The following OSBPL6 variants were observed in gnomAD, a reference collection of about 807,000 sequenced individuals.
OSBPL6 encodes the protein oxysterol-binding protein-related protein 6.
A neutral mutation model predicts 125.8 loss-of-function variants in OSBPL6; 49 were observed. The ratio of observed to expected loss-of-function variants is 0.39; its 90% CI spans 0.31 to 0.49. The LOEUF (loss-of-function observed/expected upper bound fraction) is 0.49. Among genes scored for constraint, OSBPL6 ranks in the 20% least tolerant of loss-of-function variants. The pLI, the probability that OSBPL6 is intolerant of heterozygous loss-of-function variation, is 0.88. For synonymous variants in OSBPL6, 394 were observed against 391.8 expected (o/e 1.01, Z -0.07); for missense variants, 986 against 1,135.4 (o/e 0.87, Z 1.89).
At chr2:178,234,948 G>T (rs2090987117) in intron 1 of OSBPL6, among the ~76,000 whole-genome samples, 1 of 152,132 alleles carries the variant, frequency 6.6e-6, no homozygotes, top group Non-Finnish European at 1.5e-5. Context: ...GTTCTGCCTT[G>T]TCTGTGAATC....
rs1253410118 is a variant in OSBPL6, at chr2:178,357,009, A to C, written c.1154-4673A>C. On this transcript the variant is annotated intron_variant, in intron 12 of 24. Transcript: ENST00000190611. ...GGAGAAAGGATTCCCTATTTAATAA[A>C]TGGTGCTGGGAAAACTGGCTAGCCA... is the stretch of plus-strand genomic sequence containing the variant. Among the ~76,000 whole-genome samples the C allele has an allele frequency of 2.0e-5, 3 of 152,232 alleles. 1 individual carries two copies. The highest frequency in any genetic ancestry group is 4.4e-5 in the Non-Finnish European group (3 of 68,034).
chr2:178,325,296 CCTTG>C (rs1574872226), intron 4 of OSBPL6, among the ~76,000 whole-genome samples: 1 of 152,132 alleles, frequency 6.6e-6, no homozygotes, highest in African/African-American at 2.4e-5. Context: ...GATCATTACA[CCTTG>C]CTTTTCTATA....
intron 3 of OSBPL6, among the ~76,000 whole-genome samples, chr2:178,308,327 G>GT (rs1249132472): frequency 6.6e-6 from 1 of 152,188 alleles, no homozygotes; most frequent in Non-Finnish European, 1.5e-5. Flanking sequence ...GTGATGTAGT[G>GT]TTTTTTATAT....
chr2:178,200,467 G>A (rs193255253), intron 1 of OSBPL6, among the ~76,000 whole-genome samples: 278 of 151,972 alleles, frequency 1.8e-3, no homozygotes, highest in Non-Finnish European at 3.5e-3. Context: ...GGCCAGACTC[G>A]TCCTGAACTC....
At chr2:178,300,568 C>A (rs1686184752) in intron 2 of OSBPL6, among the ~76,000 whole-genome samples, 2 of 152,246 alleles carry the variant, frequency 1.3e-5, no homozygotes, top group Admixed American at 1.3e-4. Flanking sequence ...TCAAGTGATT[C>A]TTGTGCCTCA....
chr2:178,252,970 A>G (rs1261400568), intron 1 of OSBPL6, among the ~76,000 whole-genome samples: 2 of 152,066 alleles, frequency 1.3e-5, no homozygotes, highest in African/African-American at 4.8e-5. Flanking sequence ...TCCCCTACAG[A>G]GTGGACTAGA....
At chr2:178,368,804 CT>C (rs5836651) in intron 13 of OSBPL6, among the ~76,000 whole-genome samples, 50 of 146,258 alleles carry the variant, frequency 3.4e-4, no homozygotes, top group Middle Eastern at 3.6e-3. Context: ...AAAAAAAATC[CT>C]TTTTTTTTTT....
chr2:178,278,528 T>C (rs1163347547), intron 1 of OSBPL6, among the ~76,000 whole-genome samples: 2 of 152,356 alleles, frequency 1.3e-5, no homozygotes, highest in East Asian at 3.9e-4. Context: ...TTCTTTGATA[T>C]GTAGTAACAT....
rs947384865 is a variant in OSBPL6, at chr2:178,345,670, A to T, written c.988-3554A>T. On this transcript the variant is annotated intron_variant, in intron 11 of 24. Transcript: ENST00000190611. ...TAAGTATTATTAAAGGTAATTTTCCATTTATAAAATTAAGAAATACACATG... is the reference window on the plus strand; with the variant it reads ...TAAGTATTATTAAAGGTAATTTTCCTTTTATAAAATTAAGAAATACACATG... Among the ~76,000 whole-genome samples, 5 of 152,250 alleles carry T rather than the reference A, an allele frequency of 3.3e-5. No homozygotes were observed. The East Asian group carries it at 9.6e-4, about 29-fold the overall frequency.
intron 1 of OSBPL6, among the ~76,000 whole-genome samples, chr2:178,229,487 C>G (rs2090722016): frequency 6.6e-6 from 1 of 152,200 alleles, no homozygotes. Flanking sequence ...CATTCCCTTT[C>G]CCTACCCCCA....
intron 1 of OSBPL6, among the ~76,000 whole-genome samples, chr2:178,215,725 G>A (rs946584104): frequency 3.3e-5 from 5 of 152,070 alleles, no homozygotes; most frequent in Non-Finnish European, 7.4e-5. Context: ...CTGAAACTTT[G>A]GCAGCAATGT....
chr2:178,204,895 C>T (rs2089450996), intron 1 of OSBPL6, among the ~76,000 whole-genome samples: 1 of 152,166 alleles, frequency 6.6e-6, no homozygotes, highest in African/African-American at 2.4e-5. Context: ...TATTCATTTA[C>T]TTATTCAGTG....
intron 12 of OSBPL6, among the ~76,000 whole-genome samples, chr2:178,360,251 T>G (rs184464761): frequency 6.6e-6 from 1 of 152,238 alleles, no homozygotes; most frequent in Non-Finnish European, 1.5e-5. Flanking sequence ...AAGTAGCAAA[T>G]GTGTAGGATG....
At chr2:178,298,112 A>G (rs1685926575) in intron 2 of OSBPL6, among the ~76,000 whole-genome samples, 2 of 152,198 alleles carry the variant, frequency 1.3e-5, no homozygotes, top group South Asian at 4.1e-4. Context: ...TATAAGTGAA[A>G]TCATACAGTA....
chr2:178,367,000 T>C (rs923255650), intron 13 of OSBPL6, among the ~76,000 whole-genome samples: 1 of 152,238 alleles, frequency 6.6e-6, no homozygotes, highest in African/African-American at 2.4e-5. Flanking sequence ...TTCATGGCAG[T>C]ATTATTTATA....
intron 24 of OSBPL6, 67 bp downstream of exon 24, chr2:178,394,502 C>T: frequency 6.6e-7 from 1 of 1,505,084 alleles, no homozygotes. Context: ...ATGAGAAACT[C>T]CAGTTAAATG....
chr2:178,226,430 A>G (rs1261551322), intron 1 of OSBPL6, among the ~76,000 whole-genome samples: 4 of 152,202 alleles, frequency 2.6e-5, no homozygotes, highest in Admixed American at 2.6e-4. Context: ...AGGCTAGACA[A>G]TGGGTCTGGG....
chr2:178,350,125 T>A (rs1691118195), intron 12 of OSBPL6, among the ~76,000 whole-genome samples: 1 of 152,200 alleles, frequency 6.6e-6, no homozygotes, highest in Non-Finnish European at 1.5e-5. Flanking sequence ...GATCCCACAT[T>A]TGAGCCTCTT....
At chr2:178,309,999 T>G (rs1687121523) in intron 3 of OSBPL6, among the ~76,000 whole-genome samples, 1 of 152,242 alleles carries the variant, frequency 6.6e-6, no homozygotes, top group Admixed American at 6.5e-5. Context: ...AGGACACCGA[T>G]AAGTCCCGAA....
Sources: gnomAD v4.1 joint callset for allele counts (sites outside exome capture counted in the v4.1 genomes callset) on GRCh38, gnomAD v4.1.1 for gene constraint, MANE v1.5 for transcripts, NCBI Gene and HGNC (gene_info 2026-07-23, HGNC 2026-07-21) for gene names.